The following LRBA variants were observed in gnomAD, a reference collection of about 807,000 sequenced individuals.
LRBA encodes LPS responsive beige-like anchor protein.
In LRBA, 176 loss-of-function variants were observed where a neutral mutation model predicts 330.0. That is an observed-to-expected ratio of 0.53 (90% CI 0.47 to 0.60). The LOEUF is 0.60. Among genes scored for constraint, LRBA ranks in the 20% least tolerant of loss-of-function variants. The pLI is 0.00. For missense variants in LRBA, 3,259 were observed against 3,444.8 expected (o/e 0.95, Z 1.35); for synonymous variants, 1,230 against 1,193.0 (o/e 1.03, Z -0.64).
At chr4:150,855,192 G>A (rs1751079930) in intron 22 of LRBA, among the ~76,000 whole-genome samples, 1 of 152,188 alleles carries the variant, frequency 6.6e-6, no homozygotes, top group South Asian at 2.1e-4. Context: ...CAACCCAGGA[G>A]GCAGAGGTTG....
At chr4:150,587,961 AG>A in intron 40 of LRBA, 86 bp downstream of exon 40, 1 of 1,408,330 alleles carries the variant, frequency 7.1e-7, no homozygotes, top group African/African-American at 1.4e-5. Flanking sequence ...ATTCAAACTA[AG>A]CCTGTCAGAT....
intron 47 of LRBA, among the ~76,000 whole-genome samples, chr4:150,367,637 T>G (rs1250127189): frequency 6.6e-6 from 1 of 152,228 alleles, no homozygotes; most frequent in East Asian, 1.9e-4. Flanking sequence ...GCTTTACACC[T>G]TTGGGCATGA....
intron 40 of LRBA, among the ~76,000 whole-genome samples, chr4:150,504,623 C>G (rs1760795502): frequency 6.6e-6 from 1 of 152,180 alleles, no homozygotes; most frequent in African/African-American, 2.4e-5. Flanking sequence ...CAACTGGTAC[C>G]AGCCACTGCA....
At chr4:150,463,081 C>T (rs1754983565) in intron 44 of LRBA, among the ~76,000 whole-genome samples, 1 of 151,952 alleles carries the variant, frequency 6.6e-6, no homozygotes, top group African/African-American at 2.4e-5. Flanking sequence ...TTTCAAATAT[C>T]TGATGTGCTT....
chr4:150,957,656 CA>C (rs1737682685), intron 2 of LRBA, among the ~76,000 whole-genome samples: 1 of 148,922 alleles, frequency 6.7e-6, no homozygotes, highest in African/African-American at 2.6e-5. Flanking sequence ...AAGTCTCATC[CA>C]AGACAAGGCA....
intron 40 of LRBA, among the ~76,000 whole-genome samples, chr4:150,507,342 A>G (rs1166085805): frequency 8.5e-5 from 13 of 152,248 alleles, no homozygotes; most frequent in African/African-American, 1.2e-4. Context: ...ACAAGGCTAC[A>G]GTAACCAAAA....
Position 150,286,014 on chromosome 4 carries a change from C to A in LRBA, c.8038G>T (p.Ala2680Ser). Residue 2680 changes from alanine to serine, a missense_variant, in exon 54 of 57, where the codon GCC becomes TCC. Coordinates refer to ENST00000651943, the MANE Select transcript of LRBA (RefSeq NM_001364905.1). The stretch of plus-strand genomic sequence containing the variant: ...TCATAGTCATGGCCGGTCAAAATGG[C>A]CCGAGGAGCAGCAGTCTCACCTTTA... The part of the protein sequence containing the change: ...NPGSETAAPR[A>S]ILTGHDYEVT... The A allele has an allele frequency of 6.3e-7, 1 of 1,582,270 alleles. No homozygotes were observed. The highest frequency in any genetic ancestry group is 8.6e-7 in the Non-Finnish European group (1 of 1,163,920).
At chr4:150,489,230 T>G (rs1387967797) in intron 41 of LRBA, among the ~76,000 whole-genome samples, 3 of 59,394 alleles carry the variant, frequency 5.1e-5, no homozygotes, top group African/African-American at 2.0e-4. Context: ...ATATAATATA[T>G]TATATATACG....
intron 47 of LRBA, among the ~76,000 whole-genome samples, chr4:150,415,085 T>C (rs1747545227): frequency 6.6e-6 from 1 of 152,188 alleles, no homozygotes. Context: ...AAATGTGCAA[T>C]GGCCTTCTAA....
chr4:150,505,145 C>T (rs1437941082), intron 40 of LRBA, among the ~76,000 whole-genome samples: 1 of 152,142 alleles, frequency 6.6e-6, no homozygotes, highest in Non-Finnish European at 1.5e-5. Flanking sequence ...CTTTAACACC[C>T]CACTGTCAAC....
chr4:150,302,764 A>G lies in LRBA; in HGVS notation c.7878T>C (p.His2626=), dbSNP rs946590569. 9.3e-6 allele frequency: 15 copies of G among 1,608,082 alleles called. No homozygotes were observed. The Admixed American group carries it at 1.0e-4, about 11-fold the overall frequency. Residue 2626 remains histidine, a synonymous_variant, in exon 53 of 57, where the codon CAT becomes CAC. Transcript: ENST00000651943. ...GAGCAAGGCAAGTGACGACATCCCA[A>G]TGGCCAAACACCACTTGGATCAATC... ...TGRLIQVVFG[H]WDVVTCLARS...
At chr4:150,908,611 A>T in intron 10 of LRBA, 49 bp downstream of exon 10, 1 of 1,524,078 alleles carries the variant, frequency 6.6e-7, no homozygotes, top group Non-Finnish European at 9.0e-7. Flanking sequence ...TCTCAATAAC[A>T]CATCAAAAAT....
intron 40 of LRBA, among the ~76,000 whole-genome samples, chr4:150,512,631 T>C (rs2152138754): frequency 6.6e-6 from 1 of 150,648 alleles, no homozygotes; most frequent in East Asian, 2.0e-4. Context: ...CCTCCAGAAC[T>C]GTGAGAAATA....
At chr4:150,815,213 A>G (rs1744388113) in intron 31 of LRBA, among the ~76,000 whole-genome samples, 1 of 151,874 alleles carries the variant, frequency 6.6e-6, no homozygotes, top group African/African-American at 2.4e-5. Flanking sequence ...ATTAATAACT[A>G]TTGCATTTTT....
chr4:150,482,475 T>C (rs1175450812), intron 42 of LRBA, among the ~76,000 whole-genome samples: 2 of 152,134 alleles, frequency 1.3e-5, no homozygotes, highest in East Asian at 3.8e-4. Flanking sequence ...ATTTTTGTGA[T>C]GAATATGGCT....
At chr4:150,525,474 A>C (rs534242845) in intron 40 of LRBA, among the ~76,000 whole-genome samples, 7 of 152,282 alleles carry the variant, frequency 4.6e-5, no homozygotes, top group African/African-American at 1.7e-4. Flanking sequence ...TGCTAGATAA[A>C]CGGCCTACCT....
chr4:150,817,787 G>C (rs1744825448), intron 30 of LRBA, among the ~76,000 whole-genome samples: 1 of 151,936 alleles, frequency 6.6e-6, no homozygotes, highest in South Asian at 2.1e-4. Flanking sequence ...ATATCAAATA[G>C]TCAAAGTTCT....
At chr4:150,890,540 G>A (rs1438797483) in intron 17 of LRBA, among the ~76,000 whole-genome samples, 2 of 152,084 alleles carry the variant, frequency 1.3e-5, no homozygotes, top group South Asian at 2.1e-4. Context: ...TGGAAAGGGC[G>A]ATATTAGAAA....
At chr4:150,298,669 G>T (rs1262490751) in intron 53 of LRBA, among the ~76,000 whole-genome samples, 1 of 151,960 alleles carries the variant, frequency 6.6e-6, no homozygotes, top group Non-Finnish European at 1.5e-5. Context: ...TTGTTATGAA[G>T]AAAAGTTAGG....
Sources: allele counts gnomAD v4.1 joint callset (sites outside exome capture counted in the v4.1 genomes callset), GRCh38; gene constraint gnomAD v4.1.1; transcripts MANE v1.5; gene names NCBI Gene and HGNC (gene_info 2026-07-23, HGNC 2026-07-21).